FAM228B: variants seen among roughly 807,000 people sequenced by gnomAD.
FAM228B encodes family with sequence similarity 228 member B, also known as protein FAM228B.
FAM228B carries 38 observed loss-of-function variants against 42.6 expected under a neutral mutation model. That is an observed-to-expected ratio of 0.89 (90% CI 0.69 to 1.17). The LOEUF (loss-of-function observed/expected upper bound fraction) is 1.17, where lower values mean the gene tolerates loss of function less well. Ranked by LOEUF, FAM228B falls within the 50% of genes most tolerant of loss-of-function variation. FAM228B has a pLI of 0.00. For synonymous variants in FAM228B, 109 were observed against 122.3 expected (o/e 0.89, Z 0.72); for missense variants, 344 against 367.3 (o/e 0.94, Z 0.52).
intron 3 of FAM228B, among the ~76,000 whole-genome samples, chr2:24,116,569 A>G (rs1018842126): frequency 1.3e-5 from 2 of 151,894 alleles, no homozygotes; most frequent in Non-Finnish European, 2.9e-5. Context: ...CAACCTGAGG[A>G]CCTGGCCGGG....
At chr2:24,137,814 G>A in intron 3 of FAM228B, 95 bp from the exon 4 acceptor site, 1 of 753,408 alleles carries the variant, frequency 1.3e-6, no homozygotes, top group South Asian at 2.0e-5. Context: ...TTATTCTTAG[G>A]AGTAATTTAA....
chr2:24,156,478 C>CA (rs778979546), intron 7 of FAM228B, among the ~76,000 whole-genome samples: 1 of 151,942 alleles, frequency 6.6e-6, no homozygotes, highest in South Asian at 2.1e-4. Context: ...ACTAAAAATA[C>CA]AAAAAATCAG....
rs1002292552 is a variant in FAM228B at position 24,137,457 on chromosome 2, C to T, written c.169-452C>T. Among the ~76,000 whole-genome samples the T allele has an allele frequency of 2.4e-4, 36 of 152,156 alleles. 2 individuals carry two copies. The highest frequency in any genetic ancestry group is 7.3e-5 in the Non-Finnish European group (5 of 68,038). ...CATATATCCATCATATATAAATATACATCTTGCTATATTCCCCCTCCCACT... is the reference window on the plus strand; with the variant it reads ...CATATATCCATCATATATAAATATATATCTTGCTATATTCCCCCTCCCACT... On this transcript the variant is annotated intron_variant, in intron 3 of 10. Transcript: ENST00000615575.
At chr2:24,134,854 G>A (rs1666542515) in intron 2 of FAM228B, among the ~76,000 whole-genome samples, 1 of 152,208 alleles carries the variant, frequency 6.6e-6, no homozygotes, top group Non-Finnish European at 1.5e-5. Context: ...GGAGGCTGAG[G>A]CACAAGAATC....
At chr2:24,112,131 T>C (rs1207695363) in intron 3 of FAM228B, among the ~76,000 whole-genome samples, 2 of 152,174 alleles carry the variant, frequency 1.3e-5, no homozygotes, top group Non-Finnish European at 2.9e-5. Context: ...TTTAAAATGT[T>C]TTTGAAGCAA....
chr2:24,081,420 G>A (rs760619746), intron 2 of FAM228B, among the ~76,000 whole-genome samples: 43 of 152,202 alleles, frequency 2.8e-4, no homozygotes, highest in Non-Finnish European at 1.5e-5. Context: ...GGTCACCACC[G>A]AAAGCCAGTC....
intron 9 of FAM228B, chr2:24,166,495 T>C (rs1667418181): frequency 7.1e-6 from 1 of 141,032 alleles, no homozygotes; most frequent in Admixed American, 7.0e-5. Context: ...TATCCTCCCA[T>C]GTGCTTGCTT....
intron 3 of FAM228B, chr2:24,096,427 G>T (rs1665499316): frequency 6.6e-6 from 1 of 152,148 alleles, no homozygotes; most frequent in African/African-American, 2.4e-5. Flanking sequence ...ACAGTGTAGA[G>T]AATACCTTAA....
intron 3 of FAM228B, among the ~76,000 whole-genome samples, chr2:24,110,095 T>G (rs1573742223): frequency 1.3e-5 from 2 of 152,236 alleles, no homozygotes; most frequent in Admixed American, 1.3e-4. Context: ...TGGAATATTA[T>G]GCAGCCATAA....
At chr2:24,111,981 T>A (rs1007384314) in intron 3 of FAM228B, among the ~76,000 whole-genome samples, 1 of 152,190 alleles carries the variant, frequency 6.6e-6, no homozygotes, top group African/African-American at 2.4e-5. Context: ...GAAATTCCAC[T>A]TCCAGACCTA....
chr2:24,144,856 C>T (rs972912405), intron 5 of FAM228B, among the ~76,000 whole-genome samples: 5 of 152,284 alleles, frequency 3.3e-5, no homozygotes, highest in East Asian at 3.9e-4. Flanking sequence ...CACCCCCACC[C>T]GAGTACTCTG....
intron 3 of FAM228B, among the ~76,000 whole-genome samples, chr2:24,097,652 A>C (rs1182326860): frequency 6.6e-6 from 1 of 152,162 alleles, no homozygotes; most frequent in Non-Finnish European, 1.5e-5. Flanking sequence ...TGAGACCTAC[A>C]AAGAAACTTA....
In FAM228B at chr2:24,080,164, C is replaced by G. The variant is rs1664936215; in HGVS notation, c.-289-712C>G. 6.6e-6 allele frequency among the ~76,000 whole-genome samples: 1 copy of G among 152,070 alleles called. No individual in the cohort carries two copies. The highest frequency in any genetic ancestry group is 1.9e-4 in the East Asian group (1 of 5,198). Reference sequence around the variant, plus strand: ...CTGAGGTCAGGAGTTCGAGACCAGCCTGGCCAACATAGTGAAAGCCCGTCT... The same window carrying G: ...CTGAGGTCAGGAGTTCGAGACCAGCGTGGCCAACATAGTGAAAGCCCGTCT... On this transcript the variant is annotated intron_variant, in intron 1 of 10. Coordinates refer to the FAM228B transcript ENST00000613899. This position sits in a 1 kb window ranked among gnomAD's most constrained non-coding sequence, Gnocchi z 4.7.
Position 24,079,296 on chromosome 2 carries a change from C to T in FAM228B, c.-289-1580C>T, listed in dbSNP as rs112000851. On this transcript the variant is annotated intron_variant, in intron 1 of 10. Coordinates refer to the FAM228B transcript ENST00000613899. Reference sequence around the variant, plus strand: ...CCAATCTGAATCAGTTCTCTGAAATCGGGTTCCCTCTTTATCTTCAGAGGG... The same window carrying T: ...CCAATCTGAATCAGTTCTCTGAAATTGGGTTCCCTCTTTATCTTCAGAGGG... 3.7e-4 allele frequency: 281 copies of T among 754,012 alleles called. No homozygotes were observed. The African/African-American group carries it at 4.3e-3, about 12-fold the overall frequency. The allele number at this position is 754,012 out of a possible 1,614,324, so 46.7% of individuals were successfully genotyped here. A position where few individuals can be genotyped will look rare whatever the true frequency, so the allele number is the denominator to read the frequency against.
intron 3 of FAM228B, among the ~76,000 whole-genome samples, chr2:24,099,824 A>C (rs1425271688): frequency 1.3e-5 from 2 of 152,154 alleles, no homozygotes; most frequent in African/African-American, 2.4e-5. Flanking sequence ...AATCCTAAGC[A>C]AAAAGAACAA....
Position 24,161,498 on chromosome 2 carries a change from T to C in FAM228B, c.687-8T>C, listed in dbSNP as rs1667284707. 2 of 1,442,204 alleles carry C rather than the reference T, an allele frequency of 1.4e-6. No homozygotes were observed. The highest frequency in any genetic ancestry group is 1.4e-5 in the African/African-American group (1 of 70,998). The allele number at this position is 1,442,204 out of a possible 1,614,324, so 89.3% of individuals were successfully genotyped here. On this transcript the variant is annotated splice_polypyrimidine_tract_variant and splice_region_variant and intron_variant, in intron 7 of 10. Transcript: ENST00000615575. ...AAAAACCTTCTCACACTTGTTATCT[T>C]GTTAAAGGTTAAAGGTGAAAGTGAA...
At chr2:24,134,104 A>C (rs1666522113) in intron 2 of FAM228B, among the ~76,000 whole-genome samples, 1 of 152,178 alleles carries the variant, frequency 6.6e-6, no homozygotes, top group African/African-American at 2.4e-5. Context: ...AAGAGCTTTC[A>C]TTTTGAGAAG....
Position 24,077,629 on chromosome 2 carries a change from T to A in FAM228B, c.-290+660T>A, listed in dbSNP as rs1296026286. 8.1e-6 allele frequency: 13 copies of A among 1,598,390 alleles called. No homozygotes were observed. Among genetic ancestry groups the A allele is most frequent in the Non-Finnish European group, 1.1e-5 (13 of 1,170,472 alleles). ...TTGCCTATGTTCTTGTTGGCCTCCA[T>A]GTACTTATGGGCCTCCTGGATTTCG... On this transcript the variant is annotated intron_variant, in intron 1 of 10. Coordinates refer to the FAM228B transcript ENST00000613899. This position sits in a 1 kb window ranked among gnomAD's most constrained non-coding sequence, Gnocchi z 5.5.
intron 7 of FAM228B, among the ~76,000 whole-genome samples, chr2:24,160,328 T>C (rs2151030517): frequency 6.6e-6 from 1 of 152,272 alleles, no homozygotes; most frequent in East Asian, 1.9e-4. Flanking sequence ...TATGTTGTGC[T>C]TCCTGGATCT....
Sources: allele counts gnomAD v4.1 joint callset (sites outside exome capture counted in the v4.1 genomes callset), GRCh38; gene constraint gnomAD v4.1.1; non-coding constraint Gnocchi (gnomAD v3.1); transcripts MANE v1.5; gene names NCBI Gene and HGNC (gene_info 2026-07-23, HGNC 2026-07-21).